Variants in CRADD observed in about 807,000 individuals in gnomAD.
The protein encoded by CRADD is death domain-containing protein CRADD.
CRADD carries 9 observed loss-of-function variants against 15.5 expected under a neutral mutation model. The observed-to-expected ratio is 0.58, with a 90% CI of 0.35 to 1.01. The LOEUF is 1.01. Among genes scored for constraint, CRADD ranks in the 50% least tolerant of loss-of-function variants. The pLI is 0.02. For missense variants in CRADD, 227 were observed against 250.3 expected (o/e 0.91, Z 0.63); for synonymous variants, 118 against 107.6 (o/e 1.10, Z -0.60).
chr12:93,878,590 A>G (rs887836773), intron 2 of CRADD, among the ~76,000 whole-genome samples: 2 of 151,944 alleles, frequency 1.3e-5, no homozygotes, highest in African/African-American at 4.8e-5. Context: ...TATGGCCTAG[A>G]CTGCCTTTTA....
intron 2 of CRADD, among the ~76,000 whole-genome samples, chr12:93,760,927 C>G (rs1956947756): frequency 6.6e-6 from 1 of 151,092 alleles, no homozygotes; most frequent in Non-Finnish European, 1.5e-5. Context: ...AAGTGATGAT[C>G]AAGGGGAAGA....
chr12:93,690,660 TG>T (rs1955542547), intron 2 of CRADD, among the ~76,000 whole-genome samples: 1 of 152,222 alleles, frequency 6.6e-6, no homozygotes, highest in Non-Finnish European at 1.5e-5. Context: ...ATTTCACAGA[TG>T]AGGAGACTAA....
chr12:93,774,140 T>G (rs966393447), intron 2 of CRADD, among the ~76,000 whole-genome samples: 2 of 151,956 alleles, frequency 1.3e-5, no homozygotes, highest in Admixed American at 6.6e-5. Flanking sequence ...CTGGCCACCA[T>G]AGCTACTTTC....
intron 2 of CRADD, among the ~76,000 whole-genome samples, chr12:93,784,766 TGCA>T (rs767265886): frequency 5.9e-5 from 9 of 152,116 alleles, no homozygotes; most frequent in Non-Finnish European, 1.0e-4. Flanking sequence ...CTGGCTACCT[TGCA>T]AGACGGTTAA....
At chr12:93,738,518 C>A (rs1956619680) in intron 2 of CRADD, 4 of 700,212 alleles carry the variant, frequency 5.7e-6, no homozygotes, top group Non-Finnish European at 1.0e-5. Context: ...CTGACCAAAG[C>A]AAATCCTTCT....
chr12:93,797,974 G>C (rs1017108394), intron 2 of CRADD, among the ~76,000 whole-genome samples: 3 of 152,114 alleles, frequency 2.0e-5, no homozygotes, highest in Non-Finnish European at 4.4e-5. Context: ...TGTCACTCAG[G>C]CTTTGGGTGA....
intron 2 of CRADD, among the ~76,000 whole-genome samples, chr12:93,890,674 A>G (rs758460751): frequency 6.6e-5 from 10 of 152,130 alleles, no homozygotes; most frequent in Non-Finnish European, 1.2e-4. Flanking sequence ...AAATTTTTCA[A>G]TCTACCTATA....
downstream of CRADD, chr12:93,894,821 A>C (rs1958601482): frequency 6.6e-6 from 1 of 152,364 alleles, no homozygotes; most frequent in African/African-American, 2.4e-5. Flanking sequence ...CTTCAGACCC[A>C]TCCATCAGCA....
intron 2 of CRADD, among the ~76,000 whole-genome samples, chr12:93,792,765 C>A (rs916783382): frequency 6.6e-6 from 1 of 152,132 alleles, no homozygotes; most frequent in Admixed American, 6.5e-5. Flanking sequence ...AGTTAGATAA[C>A]CTCCCAAGGT....
chr12:93,796,901 A>G (rs1241551661), intron 2 of CRADD, among the ~76,000 whole-genome samples: 1 of 152,126 alleles, frequency 6.6e-6, no homozygotes, highest in Non-Finnish European at 1.5e-5. Flanking sequence ...CGTGCATCTT[A>G]GGCTGGATAT....
At chr12:93,820,173 T>A (rs368034007) in intron 2 of CRADD, among the ~76,000 whole-genome samples, 32 of 152,200 alleles carry the variant, frequency 2.1e-4, no homozygotes, top group Admixed American at 5.9e-4. Context: ...GCCTGTCTTT[T>A]TTTTCCTCCA....
chr12:93,837,740 T>A (rs1294959894), intron 2 of CRADD: 1 of 152,190 alleles, frequency 6.6e-6, no homozygotes, highest in Non-Finnish European at 1.5e-5. Flanking sequence ...AAATCACTTC[T>A]AAAAAAGATA....
intron 2 of CRADD, among the ~76,000 whole-genome samples, chr12:93,818,731 A>G (rs184096137): frequency 2.2e-4 from 33 of 152,344 alleles, no homozygotes; most frequent in Middle Eastern, 3.4e-3. Context: ...GTTCTCTGAC[A>G]CTTATCAGCC....
At position 93,773,782 on chromosome 12, in the gene CRADD, G is replaced by T. The variant is rs553838060; in HGVS notation, c.299-76188G>T. On this transcript the variant is annotated intron_variant, in intron 2 of 2. Coordinates refer to ENST00000332896, the MANE Select transcript of CRADD (RefSeq NM_003805.5). ...CATTGCTTCCACTCAGATTACATTG[G>T]CTAGAACTCATAGCCATACCTACTT... Among the ~76,000 whole-genome samples, 3 of 149,748 alleles carry T rather than the reference G, an allele frequency of 2.0e-5. No individual in the cohort carries two copies. The South Asian group carries it at 6.4e-4, about 32-fold the overall frequency.
chr12:93,886,162 C>CATTT lies in CRADD; in HGVS notation c.299-7888_299-7887insATTT, dbSNP rs1555231623. On this transcript the variant is annotated intron_variant, in intron 2 of 2. Coordinates refer to the CRADD transcript ENST00000548483. ...ATGGACATGCCTCTAGCTGCTGATG[C>CATTT]TTTTTTTTTTTTTTTTTTTTGAGAC... is the stretch of plus-strand genomic sequence containing the variant. Among the ~76,000 whole-genome samples, 394 of 123,930 alleles carry CATTT rather than the reference C, an allele frequency of 3.2e-3. 9 individuals carry two copies. Among genetic ancestry groups the CATTT allele is most frequent in the East Asian group, 0.018 (79 of 4,332 alleles). The allele number at this position is 123,930 out of a possible 152,430, so 81.3% of individuals were successfully genotyped here.
intron 2 of CRADD, among the ~76,000 whole-genome samples, chr12:93,843,399 T>C (rs1156343462): frequency 6.6e-6 from 1 of 151,248 alleles, no homozygotes; most frequent in Admixed American, 6.6e-5. Context: ...TTTTTTTTTT[T>C]TGAGACAGTC....
At chr12:93,892,219 G>A (rs748940589) in intron 2 of CRADD, among the ~76,000 whole-genome samples, 10 of 152,078 alleles carry the variant, frequency 6.6e-5, no homozygotes, top group Non-Finnish European at 1.3e-4. Context: ...CTGATCGGCA[G>A]GTACACCCAA....
At chr12:93,863,330 C>T (rs1489259449) in intron 2 of CRADD, among the ~76,000 whole-genome samples, 1 of 152,090 alleles carries the variant, frequency 6.6e-6, no homozygotes, top group Non-Finnish European at 1.5e-5. Flanking sequence ...CCACGCTTGC[C>T]AGGACTTCTC....
intron 2 of CRADD, among the ~76,000 whole-genome samples, chr12:93,802,751 T>C (rs1426541378): frequency 1.3e-5 from 2 of 152,162 alleles, no homozygotes; most frequent in African/African-American, 4.8e-5. Context: ...GAAACCAAGG[T>C]ACTTTTGTGG....
Sources: allele counts gnomAD v4.1 joint callset (sites outside exome capture counted in the v4.1 genomes callset), GRCh38; gene constraint gnomAD v4.1.1; transcripts MANE v1.5; gene names NCBI Gene and HGNC (gene_info 2026-07-23, HGNC 2026-07-21).